The following ALKBH3 variants were observed in gnomAD, a reference collection of about 807,000 sequenced individuals.
The protein encoded by ALKBH3 is alkB homolog 3, alpha-ketoglutarate dependent dioxygenase, also known as alpha-ketoglutarate-dependent dioxygenase alkB homolog 3.
In ALKBH3, 51 loss-of-function variants were observed where a neutral mutation model predicts 43.9. The ratio of observed to expected loss-of-function variants is 1.16; its 90% CI spans 0.93 to 1.47. The LOEUF is 1.47. Ranked by LOEUF, ALKBH3 falls within the 40% of genes most tolerant of loss-of-function variation. The probability of loss-of-function intolerance (pLI) is 0.00; values close to 1 mark genes in which losing one functional copy is unlikely to be tolerated. For missense variants in ALKBH3, 361 were observed against 351.9 expected (o/e 1.03, Z -0.21); for synonymous variants, 102 against 115.2 (o/e 0.89, Z 0.73).
chr11:43,891,633 T>C (rs560421855), intron 6 of ALKBH3, among the ~76,000 whole-genome samples: 1 of 152,340 alleles, frequency 6.6e-6, no homozygotes, highest in South Asian at 2.1e-4. Flanking sequence ...CACACATGAA[T>C]GAGCAGTTTG....
intron 8 of ALKBH3, among the ~76,000 whole-genome samples, chr11:43,907,789 A>T (rs2135198233): frequency 6.6e-6 from 1 of 152,258 alleles, no homozygotes; most frequent in East Asian, 1.9e-4. Flanking sequence ...CAGGGCATGC[A>T]GAGACTCATG....
intron 8 of ALKBH3, among the ~76,000 whole-genome samples, chr11:43,911,286 G>T (rs1483595407): frequency 1.3e-5 from 2 of 152,192 alleles, no homozygotes; most frequent in East Asian, 3.8e-4. Context: ...AACAGAACTT[G>T]CCAGTAATAT....
At chr11:43,884,191 T>A (rs1951732548) in intron 4 of ALKBH3, among the ~76,000 whole-genome samples, 174 bp downstream of exon 4, 1 of 152,230 alleles carries the variant, frequency 6.6e-6, no homozygotes, top group Non-Finnish European at 1.5e-5. Flanking sequence ...GAAGACTTTC[T>A]GAATTTGCTG....
chr11:43,902,256 CAG>C (rs2135193438), intron 8 of ALKBH3, among the ~76,000 whole-genome samples: 1 of 152,246 alleles, frequency 6.6e-6, no homozygotes, highest in African/African-American at 2.4e-5. Context: ...CTAACTCTTT[CAG>C]AGAGAGGAAA....
intron 7 of ALKBH3, among the ~76,000 whole-genome samples, chr11:43,895,980 A>G (rs1951815635): frequency 6.6e-6 from 1 of 152,230 alleles, no homozygotes; most frequent in Non-Finnish European, 1.5e-5. Context: ...TACTCCAGCT[A>G]CAAACTAAAG....
chr11:43,913,588 C>T (rs1478023063), intron 8 of ALKBH3, among the ~76,000 whole-genome samples: 1 of 152,174 alleles, frequency 6.6e-6, no homozygotes, highest in African/African-American at 2.4e-5. Flanking sequence ...CAGTTTCTAC[C>T]TCTAGATTTA....
At chr11:43,883,223 A>C in intron 3 of ALKBH3, 35 bp downstream of exon 3, 1 of 1,545,404 alleles carries the variant, frequency 6.5e-7, no homozygotes, top group Non-Finnish European at 8.9e-7. Flanking sequence ...TAGTGATAAA[A>C]ATTTGCTTAG....
chr11:43,884,690 CTGCT>C (rs1397737763), intron 4 of ALKBH3, among the ~76,000 whole-genome samples: 3 of 152,192 alleles, frequency 2.0e-5, no homozygotes, highest in Non-Finnish European at 4.4e-5. Context: ...TGCTGTTTGA[CTGCT>C]TGCAGATTGG....
chr11:43,882,842 A>C (rs1019728119), intron 2 of ALKBH3, 111 bp downstream of exon 2: 2 of 1,215,444 alleles, frequency 1.6e-6, no homozygotes, highest in Non-Finnish European at 1.1e-6. Flanking sequence ...ACGTCAAGGA[A>C]TTGTTTAAAA....
In ALKBH3 at chr11:43,901,728, GAGTAT is replaced by G; in HGVS notation, c.669+4_669+8del. On this transcript the variant is annotated splice_donor_5th_base_variant and intron_variant, in intron 8 of 9. Coordinates refer to ENST00000302708, the MANE Select transcript of ALKBH3 (RefSeq NM_139178.4). ...AGATGAGAAAGAAGCCACCACCAGTGAGTATTCTCTTTTTCTTATGCTCTTCCTGC... is the reference window on the plus strand; with the variant it reads ...AGATGAGAAAGAAGCCACCACCAGTGTCTCTTTTTCTTATGCTCTTCCTGC... 3 of 1,613,988 alleles carry G rather than the reference GAGTAT, an allele frequency of 1.9e-6. No homozygotes were observed. The highest frequency in any genetic ancestry group is 2.5e-6 in the Non-Finnish European group (3 of 1,179,894).
In ALKBH3 at chr11:43,884,437, T is replaced by A. The variant is rs35978359; in HGVS notation, c.218+420T>A. Reference sequence around the variant, plus strand: ...AAGCTGCTAGTGCTGTAGATGAGCTTACAGTCCATTTATTAAAACCATGTA... The same window carrying A: ...AAGCTGCTAGTGCTGTAGATGAGCTAACAGTCCATTTATTAAAACCATGTA... On this transcript the variant is annotated intron_variant, in intron 4 of 9. Transcript: ENST00000302708. Among the ~76,000 whole-genome samples the A allele has an allele frequency of 5.4e-4, 81 of 151,302 alleles. No homozygotes were observed. The East Asian group carries it at 0.014, about 27-fold the overall frequency.
rs907955703 is a variant in ALKBH3, at chr11:43,897,970, T to C, written c.460-3546T>C. The C allele has an allele frequency of 5.2e-4, 408 of 790,240 alleles. 2 individuals carry two copies. The highest frequency in any genetic ancestry group is 2.1e-4 in the Non-Finnish European group (88 of 427,762). 49.0% of individuals were successfully genotyped at this position (790,240 alleles called of 1,614,324 possible). On this transcript the variant is annotated intron_variant, in intron 7 of 9. Transcript: ENST00000302708. Reference sequence around the variant, plus strand: ...AGGAGGCATAACCTTTGTGCCCCATTGGACTCCACCTTCCATCACGCCCTC... The same window carrying C: ...AGGAGGCATAACCTTTGTGCCCCATCGGACTCCACCTTCCATCACGCCCTC...
chr11:43,918,986 G>A, intron 8 of ALKBH3, 52 bp from the exon 9 acceptor site: 2 of 1,422,296 alleles, frequency 1.4e-6, no homozygotes. Context: ...AGGTTCTGTT[G>A]CATCTTGATT....
At chr11:43,918,945 C>T (rs1952004680) in intron 8 of ALKBH3, 93 bp from the exon 9 acceptor site, 1 of 967,204 alleles carries the variant, frequency 1.0e-6, no homozygotes, top group African/African-American at 1.6e-5. Flanking sequence ...TCTGGCTGAG[C>T]AGAGGTTTCC....
intron 7 of ALKBH3, chr11:43,899,573 C>T (rs1050854002): frequency 9.4e-6 from 6 of 636,560 alleles, no homozygotes; most frequent in Non-Finnish European, 1.8e-5. Flanking sequence ...TGCCGCACCA[C>T]CTGCACCTAG....
rs200629739 is a variant in ALKBH3, at chr11:43,884,012, G to A, written c.213G>A (p.Val71=). The change falls in exon 4 of 10, where the codon GTG becomes GTA. Residue 71 remains valine, a synonymous_variant. Transcript: ENST00000302708. The stretch of plus-strand genomic sequence containing the variant: ...TACGTAGAGCTCCTGAGCCACGAGT[G>A]ATTGAGTAAGTAATTTGCTGTCTTC... ...QVVRRAPEPR[V]IDREGVYEIS... 8 of 1,613,932 alleles carry A rather than the reference G, an allele frequency of 5.0e-6. No individual in the cohort carries two copies. The African/African-American group carries it at 1.1e-4, about 22-fold the overall frequency.
intron 7 of ALKBH3, among the ~76,000 whole-genome samples, chr11:43,901,303 A>G (rs901583522): frequency 6.6e-6 from 1 of 152,268 alleles, no homozygotes; most frequent in Non-Finnish European, 1.5e-5. Flanking sequence ...CTTTTATAAA[A>G]TTGCAGAGAT....
chr11:43,919,122 C>A lies in ALKBH3; in HGVS notation c.754C>A (p.Gln252Lys), dbSNP rs1565131855. 2 of 1,612,966 alleles carry A rather than the reference C, an allele frequency of 1.2e-6. No homozygotes were observed. The highest frequency in any genetic ancestry group is 1.7e-6 in the Non-Finnish European group (2 of 1,179,046). Residue 252 changes from glutamine to lysine, a missense_variant, in exon 9 of 10, where the codon CAA becomes AAA. Coordinates refer to ENST00000302708, the MANE Select transcript of ALKBH3 (RefSeq NM_139178.4). ...CTTGTTAATCATGGAAGGAGCGACA[C>A]AAGCTGACTGGCAGGTGAGGATCTG... ...GTLLIMEGATQADWQHRVPKE... is the reference protein window; with the variant it reads ...GTLLIMEGATKADWQHRVPKE...
intron 4 of ALKBH3, 36 bp from the exon 5 acceptor site, chr11:43,886,570 C>T (rs781505007): frequency 6.2e-7 from 1 of 1,610,970 alleles, no homozygotes; most frequent in African/African-American, 1.3e-5. Flanking sequence ...ATTGTTTTGC[C>T]TCAAACTAAC....
Sources: allele counts gnomAD v4.1 joint callset (sites outside exome capture counted in the v4.1 genomes callset), GRCh38; gene constraint gnomAD v4.1.1; transcripts MANE v1.5; gene names NCBI Gene and HGNC (gene_info 2026-07-23, HGNC 2026-07-21).